TMEFF2: variants seen among roughly 807,000 people sequenced by gnomAD.
TMEFF2 encodes the protein tomoregulin-2.
A neutral mutation model predicts 53.8 loss-of-function variants in TMEFF2; 28 were observed. That is an observed-to-expected ratio of 0.52 (90% confidence interval 0.39 to 0.71). TMEFF2 has a LOEUF of 0.71. TMEFF2 is among the 30% of genes least tolerant of loss of function. TMEFF2 has a pLI of 0.00. For missense variants in TMEFF2, 353 were observed against 455.2 expected, an observed-to-expected ratio of 0.78 and a Z score of 2.04; for synonymous variants, 162 against 166.3, an observed-to-expected ratio of 0.97 and a Z score of 0.20.
intron 9 of TMEFF2, 22 bp downstream of exon 9, chr2:191,953,657 G>A (rs368396859): frequency 1.2e-6 from 2 of 1,610,256 alleles, no homozygotes; most frequent in African/African-American, 2.7e-5. Context: ...TATTTGGGTA[G>A]CCACCAAGTG....
chr2:192,020,212 G>C (rs1167249310), intron 5 of TMEFF2, among the ~76,000 whole-genome samples: 1 of 152,030 alleles, frequency 6.6e-6, no homozygotes, highest in Non-Finnish European at 1.5e-5. Flanking sequence ...CAAAATGAAT[G>C]AACCAAGAAT....
chr2:191,983,633 G>A lies in TMEFF2; in HGVS notation c.745+14629C>T, dbSNP rs751425683. On this transcript the variant is annotated intron_variant, in intron 7 of 9. Transcript: ENST00000272771. Reference sequence around the variant, plus strand: ...GAGGGGTCTACCCCAGGGCATAGGAGCCTTGCACAGCTCTGAAGTACAGAG... The same window carrying A: ...GAGGGGTCTACCCCAGGGCATAGGAACCTTGCACAGCTCTGAAGTACAGAG... Among the ~76,000 whole-genome samples, 4 of 152,142 alleles carry A rather than the reference G, an allele frequency of 2.6e-5. No homozygotes were observed. The East Asian group carries it at 5.8e-4, about 22-fold the overall frequency.
At chr2:192,155,569 G>A (rs548951123) in intron 4 of TMEFF2, among the ~76,000 whole-genome samples, 220 of 152,068 alleles carry the variant, frequency 1.4e-3, no homozygotes, top group Middle Eastern at 3.4e-3. Context: ...CTAAGCCATA[G>A]CTGCTAATTG....
chr2:192,126,179 T>G (rs941617341), intron 4 of TMEFF2, among the ~76,000 whole-genome samples: 1 of 152,184 alleles, frequency 6.6e-6, no homozygotes, highest in African/African-American at 2.4e-5. Context: ...ATACGCACCA[T>G]GAATTACCGT....
chr2:192,049,525 T>C (rs1400232562), intron 5 of TMEFF2, among the ~76,000 whole-genome samples: 1 of 152,166 alleles, frequency 6.6e-6, no homozygotes, highest in African/African-American at 2.4e-5. Flanking sequence ...CATCGGAACA[T>C]GGAGCAGGTA....
Position 191,949,362 on chromosome 2 carries a change from T to A in TMEFF2, c.*949A>T. ...ATCTTAGTTCCATTACAAATTATGG[T>A]GCTGCATTAGCCACAAAGCTATTCA... On this transcript the variant is annotated 3_prime_UTR_variant, in exon 10 of 10. Transcript: ENST00000272771. 2.0e-6 allele frequency: 2 copies of A among 985,420 alleles called. No individual in the cohort carries two copies. Among genetic ancestry groups the A allele is most frequent in the Non-Finnish European group, 2.4e-6 (2 of 829,894 alleles). 61.0% of individuals were successfully genotyped at this position (985,420 alleles called of 1,614,324 possible). A position where few individuals can be genotyped will look rare whatever the true frequency, so the allele number is the denominator to read the frequency against.
intron 4 of TMEFF2, among the ~76,000 whole-genome samples, chr2:192,166,990 C>T (rs903494250): frequency 6.6e-6 from 1 of 152,024 alleles, no homozygotes; most frequent in Non-Finnish European, 1.5e-5. Flanking sequence ...TGGTTGGTCA[C>T]CTTATATATG....
intron 4 of TMEFF2, among the ~76,000 whole-genome samples, chr2:192,168,152 CA>C (rs1454062784): frequency 6.6e-6 from 1 of 151,992 alleles, no homozygotes; most frequent in Admixed American, 6.6e-5. Flanking sequence ...GTCAAATGCT[CA>C]AAGAATTCTA....
intron 7 of TMEFF2, among the ~76,000 whole-genome samples, chr2:191,986,110 T>C (rs1685968769): frequency 6.6e-6 from 1 of 152,242 alleles, no homozygotes; most frequent in Non-Finnish European, 1.5e-5. Context: ...TTGAGTGTTT[T>C]AATAGAATTT....
intron 4 of TMEFF2, among the ~76,000 whole-genome samples, chr2:192,135,399 A>T (rs1256823128): frequency 1.3e-5 from 2 of 151,896 alleles, no homozygotes; most frequent in East Asian, 3.9e-4. Flanking sequence ...CTCTTATTCC[A>T]TTTAGTTTTT....
chr2:192,069,986 GTGTATATATATATA>G (rs1385846256), intron 4 of TMEFF2, among the ~76,000 whole-genome samples: 16 of 11,660 alleles, frequency 1.4e-3, no homozygotes, highest in South Asian at 8.8e-3. Flanking sequence ...GTGTGTGTGT[GTGTATATATATATA>G]TATATATATA....
chr2:192,160,515 T>G (rs1054983770), intron 4 of TMEFF2, among the ~76,000 whole-genome samples: 7 of 151,942 alleles, frequency 4.6e-5, no homozygotes, highest in Non-Finnish European at 8.8e-5. Flanking sequence ...CTACAAACAA[T>G]TTACCTACAG....
intron 4 of TMEFF2, among the ~76,000 whole-genome samples, chr2:192,172,545 T>C (rs1157308218): frequency 6.6e-6 from 1 of 151,940 alleles, no homozygotes; most frequent in African/African-American, 2.4e-5. Flanking sequence ...CCTATATATA[T>C]TTTTAGCAAT....
chr2:192,126,187 C>T (rs1003314430), intron 4 of TMEFF2, among the ~76,000 whole-genome samples: 2 of 152,074 alleles, frequency 1.3e-5, no homozygotes, highest in African/African-American at 2.4e-5. Flanking sequence ...CATGAATTAC[C>T]GTTTTCTGAA....
chr2:192,068,304 C>T (rs752155018), intron 4 of TMEFF2, among the ~76,000 whole-genome samples: 6 of 151,878 alleles, frequency 4.0e-5, no homozygotes, highest in Non-Finnish European at 8.8e-5. Context: ...AGGAAGTCCA[C>T]GGCTGAGCAT....
At chr2:192,072,106 G>C (rs1688306477) in intron 4 of TMEFF2, among the ~76,000 whole-genome samples, 1 of 151,932 alleles carries the variant, frequency 6.6e-6, no homozygotes, top group Non-Finnish European at 1.5e-5. Flanking sequence ...TACGAGAGGT[G>C]AGAGTAGAAG....
At chr2:192,080,842 G>C (rs1688534893) in intron 4 of TMEFF2, among the ~76,000 whole-genome samples, 1 of 151,330 alleles carries the variant, frequency 6.6e-6, no homozygotes, top group Non-Finnish European at 1.5e-5. Flanking sequence ...ATAATGCTTT[G>C]CAAAATATTT....
intron 5 of TMEFF2, among the ~76,000 whole-genome samples, chr2:192,042,864 A>C (rs1317389314): frequency 6.6e-6 from 1 of 152,172 alleles, no homozygotes; most frequent in Non-Finnish European, 1.5e-5. Flanking sequence ...CTACTCACAC[A>C]CACCAAAAGG....
intron 5 of TMEFF2, among the ~76,000 whole-genome samples, chr2:192,043,079 A>T (rs887669334): frequency 2.6e-5 from 4 of 152,178 alleles, no homozygotes; most frequent in African/African-American, 9.6e-5. Context: ...CGACTGCCAA[A>T]AGCAAGGTCA....
Sources: gnomAD v4.1 joint callset for allele counts (sites outside exome capture counted in the v4.1 genomes callset) on GRCh38, gnomAD v4.1.1 for gene constraint, MANE v1.5 for transcripts, NCBI Gene and HGNC (gene_info 2026-07-23, HGNC 2026-07-21) for gene names.